SLC25A21: variants seen among roughly 807,000 people sequenced by gnomAD.
SLC25A21 encodes the protein mitochondrial 2-oxodicarboxylate carrier.
A neutral mutation model predicts 43.8 loss-of-function variants in SLC25A21; 47 were observed. The observed-to-expected ratio is 1.07, with a 90% confidence interval of 0.85 to 1.37. The LOEUF (loss-of-function observed/expected upper bound fraction) is 1.37, where lower values mean the gene tolerates loss of function less well. SLC25A21 is among the 40% of genes most tolerant of loss of function. The pLI is 0.00. For missense variants in SLC25A21, 352 were observed against 350.2 expected, an observed-to-expected ratio of 1.00 and a Z score of -0.04; for synonymous variants, 131 against 121.3, an observed-to-expected ratio of 1.08 and a Z score of -0.52.
At chr14:37,091,308 C>A (rs1384386418) in intron 1 of SLC25A21, among the ~76,000 whole-genome samples, 1 of 152,184 alleles carries the variant, frequency 6.6e-6, no homozygotes, top group Non-Finnish European at 1.5e-5. Flanking sequence ...GTAGCACACA[C>A]CTGTAACCCC....
At chr14:36,736,170 C>T (rs1295228474) in intron 3 of SLC25A21, among the ~76,000 whole-genome samples, 2 of 151,964 alleles carry the variant, frequency 1.3e-5, no homozygotes, top group African/African-American at 4.8e-5. Flanking sequence ...CTCCTGACCT[C>T]GTGATCCGCC....
At chr14:36,815,412 A>T (rs1888421076) in intron 2 of SLC25A21, among the ~76,000 whole-genome samples, 1 of 151,930 alleles carries the variant, frequency 6.6e-6, no homozygotes, top group Non-Finnish European at 1.5e-5. Flanking sequence ...GGCAGGCAGG[A>T]GTCTGCATTT....
chr14:36,714,046 A>G (rs1361810857), intron 6 of SLC25A21, among the ~76,000 whole-genome samples: 1 of 152,188 alleles, frequency 6.6e-6, no homozygotes, highest in East Asian at 1.9e-4. Flanking sequence ...TCCTCACAGG[A>G]TTGTTGAGAT....
chr14:36,976,070 T>C (rs2138692481), intron 1 of SLC25A21, among the ~76,000 whole-genome samples: 1 of 152,052 alleles, frequency 6.6e-6, no homozygotes, highest in East Asian at 1.9e-4. Context: ...CTTAGAAAAA[T>C]GGTAAGAGCA....
At chr14:36,998,648 C>T (rs1960423195) in intron 1 of SLC25A21, among the ~76,000 whole-genome samples, 1 of 151,780 alleles carries the variant, frequency 6.6e-6, no homozygotes. Context: ...AGAGCCTATT[C>T]ACTTCTGATA....
At chr14:36,989,714 C>G (rs891334976) in intron 1 of SLC25A21, among the ~76,000 whole-genome samples, 2 of 152,006 alleles carry the variant, frequency 1.3e-5, no homozygotes, top group African/African-American at 4.8e-5. Flanking sequence ...CTTAACGGCC[C>G]TGGGTTCGCA....
intron 1 of SLC25A21, among the ~76,000 whole-genome samples, chr14:37,141,064 G>A (rs1452984468): frequency 6.6e-6 from 1 of 152,102 alleles, no homozygotes; most frequent in African/African-American, 2.4e-5. Context: ...GAGAATCACT[G>A]AACCAGGGAA....
At chr14:36,945,508 T>A (rs1892659295) in intron 1 of SLC25A21, among the ~76,000 whole-genome samples, 1 of 152,116 alleles carries the variant, frequency 6.6e-6, no homozygotes, top group African/African-American at 2.4e-5. Flanking sequence ...AGTATATCCA[T>A]ACAAATGGAA....
intron 2 of SLC25A21, among the ~76,000 whole-genome samples, chr14:36,858,330 G>C (rs1470841073): frequency 6.6e-6 from 1 of 152,126 alleles, no homozygotes; most frequent in African/African-American, 2.4e-5. Flanking sequence ...TGGGAGTTGA[G>C]AGAAAGAGAT....
At position 36,814,009 on chromosome 14, in the gene SLC25A21, CA is replaced by C. The variant is rs1888366295; in HGVS notation, c.120-9del. 1 of 1,589,652 alleles carries C rather than the reference CA, an allele frequency of 6.3e-7. No individual in the cohort carries two copies. The highest frequency in any genetic ancestry group is 1.2e-5 in the South Asian group (1 of 86,006). On this transcript the variant is annotated splice_polypyrimidine_tract_variant and intron_variant, in intron 2 of 9. Coordinates refer to ENST00000331299, the MANE Select transcript of SLC25A21 (RefSeq NM_030631.4). ...CATCTCTGAATCTGAAACCTAGAAG[CA>C]AAATCAAACCAAAAATTCTAAGTTA...
chr14:37,000,185 A>G (rs1236881240), intron 1 of SLC25A21, among the ~76,000 whole-genome samples: 2 of 152,054 alleles, frequency 1.3e-5, no homozygotes, highest in Non-Finnish European at 2.9e-5. Context: ...CATTCAATCA[A>G]TCAGCAAACC....
intron 1 of SLC25A21, among the ~76,000 whole-genome samples, chr14:36,884,805 G>A (rs1296786228): frequency 1.3e-5 from 2 of 152,030 alleles, no homozygotes; most frequent in Non-Finnish European, 2.9e-5. Context: ...CAAGTCCCTT[G>A]CTCATTTTTA....
chr14:37,146,225 T>A (rs1013916094), intron 1 of SLC25A21, among the ~76,000 whole-genome samples: 1 of 152,220 alleles, frequency 6.6e-6, no homozygotes, highest in African/African-American at 2.4e-5. Flanking sequence ...TGCCAGGTTA[T>A]CTTTTAGGCA....
intron 5 of SLC25A21, among the ~76,000 whole-genome samples, chr14:36,727,428 C>A (rs899103243): frequency 2.0e-5 from 3 of 152,248 alleles, no homozygotes; most frequent in African/African-American, 7.2e-5. Flanking sequence ...TGGCTCACGC[C>A]TGTAATCCCA....
At chr14:37,055,269 C>T (rs74045463) in intron 1 of SLC25A21, among the ~76,000 whole-genome samples, 4,357 of 152,290 alleles carry the variant, frequency 0.029, 248 homozygotes, top group East Asian at 0.26. Flanking sequence ...CTATTAGACT[C>T]TGAGCAGATG....
intron 1 of SLC25A21, among the ~76,000 whole-genome samples, chr14:36,957,628 AC>A (rs1959375073): frequency 6.6e-6 from 1 of 152,226 alleles, no homozygotes; most frequent in Admixed American, 6.5e-5. Flanking sequence ...TAAAATCCCC[AC>A]ATTTGAGAAA....
At chr14:36,756,054 G>C (rs771440567) in intron 3 of SLC25A21, among the ~76,000 whole-genome samples, 1 of 152,182 alleles carries the variant, frequency 6.6e-6, no homozygotes, top group Non-Finnish European at 1.5e-5. Context: ...TAGAATGCTG[G>C]GGTGGTGCCA....
intron 1 of SLC25A21, among the ~76,000 whole-genome samples, chr14:37,080,720 C>T (rs1156282937): frequency 6.6e-6 from 1 of 152,168 alleles, no homozygotes; most frequent in Non-Finnish European, 1.5e-5. Context: ...TGATAGGGCA[C>T]ATGATCAGCT....
At chr14:37,092,487 G>C (rs1429841112) in intron 1 of SLC25A21, among the ~76,000 whole-genome samples, 1 of 152,078 alleles carries the variant, frequency 6.6e-6, no homozygotes. Flanking sequence ...TTTAGGTAGG[G>C]TTTTCTCGAG....
Sources: allele counts gnomAD v4.1 joint callset (sites outside exome capture counted in the v4.1 genomes callset), GRCh38; gene constraint gnomAD v4.1.1; transcripts MANE v1.5; gene names NCBI Gene and HGNC (gene_info 2026-07-23, HGNC 2026-07-21).